CPXM2: variants seen among roughly 807,000 people sequenced by gnomAD.
CPXM2 encodes the protein inactive carboxypeptidase-like protein X2.
CPXM2 carries 66 observed loss-of-function variants against 86.1 expected under a neutral mutation model. The observed-to-expected ratio is 0.77, with a 90% confidence interval of 0.63 to 0.94. The LOEUF is 0.94. Ranked by LOEUF, CPXM2 falls within the 40% of genes least tolerant of loss-of-function variation. The probability of loss-of-function intolerance (pLI) is 0.00; values close to 1 mark genes in which losing one functional copy is unlikely to be tolerated. For synonymous variants in CPXM2, 388 were observed against 400.2 expected, an observed-to-expected ratio of 0.97 and a Z score of 0.36; for missense variants, 948 against 1,026.3, an observed-to-expected ratio of 0.92 and a Z score of 1.04.
chr10:123,852,902 G>A (rs935980321), intron 3 of CPXM2, among the ~76,000 whole-genome samples: 5 of 152,126 alleles, frequency 3.3e-5, no homozygotes, highest in Non-Finnish European at 7.3e-5. Context: ...TCCATAGTAC[G>A]TGCCACCTTC....
Position 123,768,589 on chromosome 10 carries a change from C to T in CPXM2, c.1236G>A (p.Glu412=). The T allele has an allele frequency of 6.2e-7, 1 of 1,614,026 alleles. No homozygotes were observed. Residue 412 remains glutamate (E), a synonymous_variant, in exon 9 of 14, where the codon GAG becomes GAA. Transcript: ENST00000241305. ...AGGGGAGGACGTGAATCCGCGTCTC[C>T]TCCACCAGGTGGACGATGCGCGCAT... ...ARNARIVHLV[E]ETRIHVLPSL... is the part of the protein sequence containing the mutation.
intron 4 of CPXM2, among the ~76,000 whole-genome samples, chr10:123,829,776 A>G (rs1848125243): frequency 6.6e-6 from 1 of 152,230 alleles, no homozygotes. Context: ...AATGCACACT[A>G]TAATAACCAC....
rs566283900 is a variant in CPXM2 at position 123,862,541 on chromosome 10, G to C, written c.513+73C>G. ...TAATGCATTTTAAATCCTGCGCATT[G>C]CCTGATCCAAGCTCAAGGAACCAGA... is the stretch of plus-strand genomic sequence containing the variant. On this transcript the variant is annotated intron_variant, in intron 3 of 13. Coordinates refer to ENST00000241305, the MANE Select transcript of CPXM2 (RefSeq NM_198148.3). The C allele has an allele frequency of 6.0e-6, 8 of 1,326,734 alleles. No homozygotes were observed. In the African/African-American group the frequency reaches 1.2e-4, roughly 19 times the overall value. The allele number at this position is 1,326,734 out of a possible 1,614,324, so 82.2% of individuals were successfully genotyped here.
At chr10:123,757,087 G>T in intron 12 of CPXM2, 126 bp downstream of exon 12, 2 of 840,940 alleles carry the variant, frequency 2.4e-6, no homozygotes, top group South Asian at 1.6e-5. Flanking sequence ...GCTCCTCGCA[G>T]CACTGTGCTG....
At chr10:123,863,756 G>A (rs1229401135) in intron 2 of CPXM2, among the ~76,000 whole-genome samples, 1 of 152,172 alleles carries the variant, frequency 6.6e-6, no homozygotes, top group African/African-American at 2.4e-5. Context: ...CTCGTGGTCT[G>A]GCACCTCCGC....
chr10:123,898,588 T>A (rs1036185501), intron 2 of CPXM2, among the ~76,000 whole-genome samples: 1 of 152,172 alleles, frequency 6.6e-6, no homozygotes, highest in Non-Finnish European at 1.5e-5. Flanking sequence ...TAGTGAGCTA[T>A]AATACACCAC....
rs1034744067 is a variant in CPXM2 at position 123,805,804 on chromosome 10, G to T, written c.654-6605C>A. ...CTAGTTTCTCTTTATTGACTTATTA[G>T]TTATACACTCACAATATTCTTTTCA... On this transcript the variant is annotated intron_variant, in intron 4 of 13. Transcript: ENST00000241305. Among the ~76,000 whole-genome samples, 4 of 152,064 alleles carry T rather than the reference G, an allele frequency of 2.6e-5. No homozygotes were observed. The South Asian group carries it at 8.3e-4, about 32-fold the overall frequency.
intron 2 of CPXM2, among the ~76,000 whole-genome samples, chr10:123,866,179 C>T (rs952818018): frequency 1.3e-5 from 2 of 152,182 alleles, no homozygotes; most frequent in Admixed American, 6.5e-5. Context: ...CCTCCCCTTC[C>T]CTTTAACAAT....
chr10:123,778,028 C>G (rs1846839342), intron 7 of CPXM2, among the ~76,000 whole-genome samples: 1 of 152,174 alleles, frequency 6.6e-6, no homozygotes. Context: ...AATGTCAGGA[C>G]TTTCTCCTTC....
intron 4 of CPXM2, among the ~76,000 whole-genome samples, chr10:123,821,247 T>A (rs1454862448): frequency 1.3e-5 from 2 of 152,208 alleles, no homozygotes; most frequent in African/African-American, 4.8e-5. Context: ...GGACATAGAG[T>A]TCAAATTTCC....
At chr10:123,930,595 A>G (rs1945659807) in intron 2 of CPXM2, among the ~76,000 whole-genome samples, 1 of 152,212 alleles carries the variant, frequency 6.6e-6, no homozygotes, top group Non-Finnish European at 1.5e-5. Flanking sequence ...GCATACAACC[A>G]AAAGATAGTA....
chr10:123,783,055 C>T (rs1846970650), intron 6 of CPXM2, among the ~76,000 whole-genome samples: 1 of 152,338 alleles, frequency 6.6e-6, no homozygotes, highest in East Asian at 1.9e-4. Flanking sequence ...GATGCTATGG[C>T]AAGATCAGGA....
intron 1 of CPXM2, among the ~76,000 whole-genome samples, chr10:123,880,765 C>T (rs752858479): frequency 5.9e-5 from 8 of 135,482 alleles, no homozygotes; most frequent in Non-Finnish European, 1.1e-4. Context: ...GGAGGCAGAG[C>T]TTGCAGTGAG....
At chr10:123,793,010 C>T (rs946462905) in intron 6 of CPXM2, among the ~76,000 whole-genome samples, 5 of 152,152 alleles carry the variant, frequency 3.3e-5, no homozygotes, top group Admixed American at 6.5e-5. Context: ...CTGTGAGGAA[C>T]ATTTGTGTTA....
In CPXM2 at chr10:123,799,149, G is replaced by C. The variant is rs375551890; in HGVS notation, c.704C>G (p.Thr235Arg). Residue 235 changes from threonine (T) to arginine (R), a missense_variant, in exon 5 of 14, where the codon ACG (threonine) becomes AGG (arginine). Thr to Arg is a moderately conservative substitution (Grantham distance 71, BLOSUM62 -1). Transcript: ENST00000241305. ...YKVMVSNDSHTWVTVKNGSGD... is the reference protein window; with the variant it reads ...YKVMVSNDSHRWVTVKNGSGD... ...AGATCCATTCTTAACAGTGACCCAC[G>C]TGTGGCTGTCATTGCTCACCATGAC... 6.2e-7 allele frequency: 1 copy of C among 1,614,046 alleles called. No homozygotes were observed. The highest frequency in any genetic ancestry group is 1.3e-5 in the African/African-American group (1 of 74,936).
intron 4 of CPXM2, among the ~76,000 whole-genome samples, chr10:123,826,777 A>G (rs1435651782): frequency 6.6e-6 from 1 of 152,176 alleles, no homozygotes; most frequent in African/African-American, 2.4e-5. Flanking sequence ...GCATTTGTAA[A>G]ACCTGAAGGT....
chr10:123,759,304 A>G (rs934560494), intron 11 of CPXM2, among the ~76,000 whole-genome samples: 7 of 152,234 alleles, frequency 4.6e-5, no homozygotes, highest in African/African-American at 1.7e-4. Flanking sequence ...ACCTGTCTAC[A>G]GAGAAAATGA....
chr10:123,915,958 A>G (rs1945531363), intron 2 of CPXM2, among the ~76,000 whole-genome samples: 1 of 152,158 alleles, frequency 6.6e-6, no homozygotes, highest in Non-Finnish European at 1.5e-5. Flanking sequence ...ACCAGCACCT[A>G]GCACCTGGCC....
intron 10 of CPXM2, among the ~76,000 whole-genome samples, chr10:123,764,513 G>T (rs1846423714): frequency 6.6e-6 from 1 of 151,726 alleles, no homozygotes; most frequent in African/African-American, 2.4e-5. Context: ...TTGAGACAGG[G>T]TCTCACTCTG....
Sources: gnomAD v4.1 joint callset for allele counts (sites outside exome capture counted in the v4.1 genomes callset) on GRCh38, gnomAD v4.1.1 for gene constraint, MANE v1.5 for transcripts, NCBI Gene and HGNC (gene_info 2026-07-23, HGNC 2026-07-21) for gene names.